The following BTAF1 variants were observed in gnomAD, a reference collection of about 807,000 sequenced individuals.
The protein encoded by BTAF1 is B-TFIID TATA-box binding protein associated factor 1, also known as TATA-binding protein-associated factor 172.
BTAF1 carries 38 observed loss-of-function variants against 227.1 expected under a neutral mutation model. The ratio of observed to expected loss-of-function variants is 0.17; its 90% CI spans 0.13 to 0.22. The LOEUF (loss-of-function observed/expected upper bound fraction) is 0.22. Among genes scored for constraint, BTAF1 ranks in the 10% least tolerant of loss-of-function variants. The pLI, the probability that BTAF1 is intolerant of heterozygous loss-of-function variation, is 1.00. For synonymous variants in BTAF1, 742 were observed against 751.9 expected, an observed-to-expected ratio of 0.99 and a Z score of 0.21; for missense variants, 1,598 against 2,204.0, an observed-to-expected ratio of 0.73 and a Z score of 5.51.
At chr10:91,929,748 GTC>G (rs943766189) in intron 1 of BTAF1, among the ~76,000 whole-genome samples, 41 of 152,088 alleles carry the variant, frequency 2.7e-4, no homozygotes, top group African/African-American at 9.6e-4. Flanking sequence ...TAGAGATGAG[GTC>G]TCTCTGTGTT....
chr10:92,024,712 T>C (rs1057013339), intron 34 of BTAF1, 44 bp from the exon 35 acceptor site: 3 of 1,388,850 alleles, frequency 2.2e-6, no homozygotes, highest in Non-Finnish European at 2.0e-6. Flanking sequence ...AGTTTTCTGC[T>C]TTTATTGAAC....
rs1269612673 is a variant in BTAF1 at position 91,997,749 on chromosome 10, G to C, written c.3658G>C (p.Glu1220Gln). 1.2e-6 allele frequency: 2 copies of C among 1,612,960 alleles called. No homozygotes were observed. The highest frequency in any genetic ancestry group is 8.5e-7 in the Non-Finnish European group (1 of 1,179,926). ...AACGCTAATTAGACTCATGCCACTT[G>C]AGGTAAGTCAAAGATACTTGCTTTA... ...FATLIRLMPL[E>Q]AGIPDPPNMS... The change falls in exon 25 of 38, where the codon GAG (glutamate) becomes CAG (glutamine). Residue 1220 changes from glutamate to glutamine, a missense_variant and splice_region_variant. This residue lies in a region of BTAF1 where 425 missense variants were observed against 491.2 expected (regional missense o/e 0.87). Coordinates refer to ENST00000265990, the MANE Select transcript of BTAF1 (RefSeq NM_003972.3).
intron 14 of BTAF1, among the ~76,000 whole-genome samples, chr10:91,978,149 C>G (rs1307983609): frequency 1.3e-5 from 2 of 152,152 alleles, no homozygotes; most frequent in Non-Finnish European, 2.9e-5. Context: ...CCTAAAAATC[C>G]TGTGTTCTAC....
In BTAF1 at chr10:91,935,651, T is replaced by C; in HGVS notation, c.15-6T>C. 3 of 1,611,778 alleles carry C rather than the reference T, an allele frequency of 1.9e-6. No individual in the cohort carries two copies. Among genetic ancestry groups the C allele is most frequent in the Non-Finnish European group, 2.5e-6 (3 of 1,178,926 alleles). ...GAGAATAACCATTGTATTTTTGTTA[T>C]TTCAGGCTAGATCGCCTTTTTATTT... On this transcript the variant is annotated splice_polypyrimidine_tract_variant and splice_region_variant and intron_variant, in intron 1 of 37. Coordinates refer to ENST00000265990, the MANE Select transcript of BTAF1 (RefSeq NM_003972.3).
chr10:91,950,148 T>TGTTGGGGGG (rs1554851556), intron 4 of BTAF1, among the ~76,000 whole-genome samples: 3 of 24,428 alleles, frequency 1.2e-4, no homozygotes, highest in East Asian at 2.0e-3. Flanking sequence ...TTGTCCTTTG[T>TGTTGGGGGG]GGGGGGGGGC....
At chr10:91,924,808 T>C (rs1169184201) in intron 1 of BTAF1, among the ~76,000 whole-genome samples, 1 of 152,182 alleles carries the variant, frequency 6.6e-6, no homozygotes, top group Non-Finnish European at 1.5e-5. Context: ...TTTCCTCCGG[T>C]ATGATAGAAT....
At chr10:92,018,569 T>G (rs1174267421) in intron 33 of BTAF1, among the ~76,000 whole-genome samples, 1 of 152,164 alleles carries the variant, frequency 6.6e-6, no homozygotes, top group Admixed American at 6.6e-5. Context: ...CAGTACAATT[T>G]ATACGCGTTG....
intron 2 of BTAF1, among the ~76,000 whole-genome samples, chr10:91,936,963 C>T (rs915344522): frequency 2.6e-5 from 4 of 151,874 alleles, no homozygotes; most frequent in Admixed American, 2.6e-4. Flanking sequence ...ACCGTCTTTC[C>T]TTTTTCCTCG....
chr10:91,986,769 C>A (rs1377110294), intron 19 of BTAF1, among the ~76,000 whole-genome samples: 1 of 152,028 alleles, frequency 6.6e-6, no homozygotes, highest in African/African-American at 2.4e-5. Context: ...TTATTCAGAT[C>A]TTTTACTCTT....
At chr10:91,997,246 GTT>G in intron 24 of BTAF1, 1 of 869,304 alleles carries the variant, frequency 1.2e-6, no homozygotes, top group Non-Finnish European at 1.6e-6. Context: ...GTGACACTCA[GTT>G]ATATTCCTTT....
In BTAF1 at chr10:91,962,459, G is replaced by A. The variant is rs1055485558; in HGVS notation, c.1264-79G>A. 2.9e-5 allele frequency: 30 copies of A among 1,051,372 alleles called. No individual in the cohort carries two copies. The South Asian group carries it at 4.9e-4, about 17-fold the overall frequency. The allele number at this position is 1,051,372 out of a possible 1,614,324, so 65.1% of individuals were successfully genotyped here. A position where few individuals can be genotyped will look rare whatever the true frequency, so the allele number is the denominator to read the frequency against. ...AATATTGGAATTTAGCTGTCATGTGGCAAATTTAAATTTTAAAATGTTTAA... is the reference window on the plus strand; with the variant it reads ...AATATTGGAATTTAGCTGTCATGTGACAAATTTAAATTTTAAAATGTTTAA... On this transcript the variant is annotated intron_variant, in intron 11 of 37. Coordinates refer to ENST00000265990, the MANE Select transcript of BTAF1 (RefSeq NM_003972.3).
chr10:91,951,589 T>A (rs2133858888), intron 5 of BTAF1, 23 bp downstream of exon 5: 1 of 1,562,764 alleles, frequency 6.4e-7, no homozygotes. Context: ...TTTGGTTATT[T>A]GATTGCAAGT....
At chr10:91,991,952 A>G (rs896659154) in intron 20 of BTAF1, among the ~76,000 whole-genome samples, 167 bp from the exon 21 acceptor site, 1 of 151,996 alleles carries the variant, frequency 6.6e-6, no homozygotes, top group Non-Finnish European at 1.5e-5. Context: ...ATCCTATGCA[A>G]ATAGACTATT....
intron 14 of BTAF1, among the ~76,000 whole-genome samples, chr10:91,975,645 T>G (rs1448563391): frequency 6.6e-6 from 1 of 152,262 alleles, no homozygotes; most frequent in Non-Finnish European, 1.5e-5. Flanking sequence ...CCCTGCAGTC[T>G]GAGAGCATTT....
Position 92,027,199 on chromosome 10 carries a change from A to C in BTAF1, c.5305A>C (p.Lys1769Gln), listed in dbSNP as rs1851573469. The C allele has an allele frequency of 2.5e-6, 4 of 1,613,974 alleles. No individual in the cohort carries two copies. Among genetic ancestry groups the C allele is most frequent in the Non-Finnish European group, 3.4e-6 (4 of 1,179,968 alleles). ...TLEEKIMGLQ[K>Q]FKMNIANTVI... is the part of the protein sequence containing the mutation. ...GGAAGAAAAAATAATGGGGTTGCAG[A>C]AATTCAAGATGAACATAGCGAATAC... is the stretch of plus-strand genomic sequence containing the variant. The change falls in exon 37 of 38, where the codon AAA (lysine) becomes CAA (glutamine). Residue 1769 changes from lysine to glutamine, a missense_variant. By Grantham distance (53) the Lys-to-Gln change is moderately conservative. This residue lies in a region of BTAF1 where 79 missense variants were observed against 97.9 expected (regional missense o/e 0.81). Coordinates refer to ENST00000265990, the MANE Select transcript of BTAF1 (RefSeq NM_003972.3).
At chr10:91,951,630 T>G (rs1055303495) in intron 5 of BTAF1, 64 bp downstream of exon 5, 1 of 1,473,966 alleles carries the variant, frequency 6.8e-7, no homozygotes, top group Non-Finnish European at 9.1e-7. Context: ...TCATTTTGTT[T>G]ATGTAATTAT....
intron 33 of BTAF1, among the ~76,000 whole-genome samples, chr10:92,018,003 T>C (rs1850860011): frequency 6.6e-6 from 1 of 152,168 alleles, no homozygotes; most frequent in Non-Finnish European, 1.5e-5. Flanking sequence ...CTTGAGACAG[T>C]CCCCTTCCTT....
chr10:91,973,720 C>T lies in BTAF1; in HGVS notation c.1651-6734C>T, dbSNP rs371947487. 1.3e-4 allele frequency among the ~76,000 whole-genome samples: 20 copies of T among 151,344 alleles called. No individual in the cohort carries two copies. The East Asian group carries it at 2.9e-3, about 22-fold the overall frequency. On this transcript the variant is annotated intron_variant, in intron 14 of 37. Coordinates refer to ENST00000265990, the MANE Select transcript of BTAF1 (RefSeq NM_003972.3). ...GAGATCGAGACCATCCCGGCTAAAA[C>T]GGTGAAACCCCGTCTCTACTAAAAA... is the stretch of plus-strand genomic sequence containing the variant.
At chr10:91,982,441 A>G (rs1848133108) in intron 17 of BTAF1, 146 bp from the exon 18 acceptor site, 1 of 1,090,388 alleles carries the variant, frequency 9.2e-7, no homozygotes, top group Non-Finnish European at 1.3e-6. Flanking sequence ...CAAGATAGTC[A>G]TTATACCTTC....
Sources: gnomAD v4.1 joint callset for allele counts (sites outside exome capture counted in the v4.1 genomes callset) on GRCh38, gnomAD v4.1.1 for gene constraint, gnomAD v4.1.1 regional missense constraint, MANE v1.5 for transcripts, NCBI Gene and HGNC (gene_info 2026-07-23, HGNC 2026-07-21) for gene names.